Variants in SPNS3 observed in about 807,000 individuals in gnomAD.
The protein encoded by SPNS3 is protein spinster homolog 3.
Under a neutral mutation model 54.4 loss-of-function variants are expected in SPNS3, and 51 were observed. The ratio of observed to expected loss-of-function variants is 0.94; its 90% CI spans 0.75 to 1.18. The LOEUF is 1.18. SPNS3 is among the 50% of genes most tolerant of loss of function. The pLI is 0.00. For missense variants in SPNS3, 669 were observed against 677.4 expected (o/e 0.99, Z 0.14); for synonymous variants, 309 against 294.7 (o/e 1.05, Z -0.50).
intron 8 of SPNS3, among the ~76,000 whole-genome samples, chr17:4,457,489 C>T (rs963250327): frequency 6.6e-6 from 1 of 152,228 alleles, no homozygotes; most frequent in Non-Finnish European, 1.5e-5. Flanking sequence ...CGGGGCACAC[C>T]CCAGGCACTA....
At chr17:4,441,632 T>A (rs1970850162) in intron 2 of SPNS3, among the ~76,000 whole-genome samples, 2 of 152,166 alleles carry the variant, frequency 1.3e-5, no homozygotes, top group African/African-American at 4.8e-5. Flanking sequence ...GTTTTGCTCT[T>A]ATTGCTCAGG....
chr17:4,443,280 C>T (rs764568714), intron 2 of SPNS3, among the ~76,000 whole-genome samples: 3 of 152,004 alleles, frequency 2.0e-5, no homozygotes, highest in Non-Finnish European at 4.4e-5. Context: ...CATGTTGGCC[C>T]GGCTGGTCTC....
intron 3 of SPNS3, among the ~76,000 whole-genome samples, chr17:4,445,835 G>C (rs960028411): frequency 6.6e-6 from 1 of 152,014 alleles, no homozygotes; most frequent in African/African-American, 2.4e-5. Context: ...CAGGAAAAGG[G>C]CTCCCCTGGG....
rs139018867 is a variant in SPNS3 at position 4,472,396 on chromosome 17, G to A, written c.1114-6176G>A. On this transcript the variant is annotated intron_variant, in intron 8 of 11. Coordinates refer to ENST00000355530, the MANE Select transcript of SPNS3 (RefSeq NM_182538.5). ...GCAGTTTGAGTTGAGCTTGGGCTCC[G>A]CAGACTTTTCTGTTGCCGGAGGGAA... 3.3e-5 allele frequency among the ~76,000 whole-genome samples: 5 copies of A among 152,284 alleles called. No homozygotes were observed. The East Asian group carries it at 7.7e-4, about 24-fold the overall frequency.
intron 8 of SPNS3, among the ~76,000 whole-genome samples, chr17:4,456,722 G>GT (rs1206715763): frequency 2.2e-3 from 312 of 143,310 alleles, no homozygotes; most frequent in South Asian, 8.8e-3. Flanking sequence ...GTTTTTTTTG[G>GT]TTTTTTTTTT....
intron 7 of SPNS3, among the ~76,000 whole-genome samples, chr17:4,452,051 C>A (rs1275070978): frequency 6.6e-6 from 1 of 151,912 alleles, no homozygotes; most frequent in Non-Finnish European, 1.5e-5. Context: ...ATATTCAAAT[C>A]CTGGTCTGTA....
intron 2 of SPNS3, 32 bp downstream of exon 2, chr17:4,439,755 C>T (rs1970801858): frequency 6.3e-7 from 1 of 1,591,706 alleles, no homozygotes; most frequent in African/African-American, 1.3e-5. Context: ...GGAGCCGGGG[C>T]CCTGGGTTCA....
intron 8 of SPNS3, 75 bp downstream of exon 8, chr17:4,453,280 C>A (rs966676689): frequency 7.2e-7 from 1 of 1,396,216 alleles, no homozygotes; most frequent in Non-Finnish European, 9.8e-7. Context: ...GCTCATGCTG[C>A]GCCCGGCCTT....
At chr17:4,473,042 G>A (rs1454148155) in intron 8 of SPNS3, among the ~76,000 whole-genome samples, 1 of 151,970 alleles carries the variant, frequency 6.6e-6, no homozygotes, top group African/African-American at 2.4e-5. Flanking sequence ...TCCTGCCTCA[G>A]CCTCCCAAAG....
chr17:4,480,369 G>A (rs1439728657), intron 9 of SPNS3, among the ~76,000 whole-genome samples: 1 of 152,254 alleles, frequency 6.6e-6, no homozygotes, highest in East Asian at 1.9e-4. Context: ...GGAATGCTCA[G>A]GAAAGGGGAA....
intron 8 of SPNS3, among the ~76,000 whole-genome samples, chr17:4,455,128 G>C (rs1039478553): frequency 3.9e-5 from 6 of 152,046 alleles, no homozygotes; most frequent in Non-Finnish European, 7.4e-5. Flanking sequence ...TGGCCAGGCT[G>C]GTCTCAAACT....
chr17:4,473,142 A>C (rs553547051), intron 8 of SPNS3, among the ~76,000 whole-genome samples: 3 of 151,584 alleles, frequency 2.0e-5, no homozygotes, highest in African/African-American at 7.3e-5. Context: ...TGGTTAAAAA[A>C]TCACTTTTTT....
intron 9 of SPNS3, 50 bp downstream of exon 9, chr17:4,478,687 AT>A: frequency 1.3e-6 from 2 of 1,542,696 alleles, no homozygotes; most frequent in East Asian, 2.4e-5. Context: ...GCTGGAGAGG[AT>A]TGGGCCTCTG....
At chr17:4,479,204 G>A (rs998842624) in intron 9 of SPNS3, among the ~76,000 whole-genome samples, 32 of 152,374 alleles carry the variant, frequency 2.1e-4, no homozygotes, top group Admixed American at 1.7e-3. Context: ...GCCTCCCAAA[G>A]TGCTGGGATT....
chr17:4,441,984 G>A (rs996642501), intron 2 of SPNS3, among the ~76,000 whole-genome samples: 7 of 11,192 alleles, frequency 6.3e-4, no homozygotes, highest in African/African-American at 2.3e-3. Context: ...GGAGGGAGAA[G>A]TGTGTGTGTG....
At chr17:4,453,630 C>G (rs370971287) in intron 8 of SPNS3, among the ~76,000 whole-genome samples, 1 of 148,654 alleles carries the variant, frequency 6.7e-6, no homozygotes, top group Non-Finnish European at 1.5e-5. Context: ...GGGAAAAAAA[C>G]AGAGAGAGAA....
chr17:4,461,361 C>CTTTTTTTTTTTTTTTTT lies in SPNS3; in HGVS notation c.1113+8166_1113+8182dup, dbSNP rs55928003. On this transcript the variant is annotated intron_variant, in intron 8 of 11. Transcript: ENST00000355530. ...TATTTGCTTTCTTTTCTTTTCTTTT[C>CTTTTTTTTTTTTTTTTT]TTTTTTTTTTTTTTTTTTTTTTTTT... Among the ~76,000 whole-genome samples, 70 of 33,420 alleles carry CTTTTTTTTTTTTTTTTT rather than the reference C, an allele frequency of 2.1e-3. 9 individuals are homozygous for CTTTTTTTTTTTTTTTTT. The highest frequency in any genetic ancestry group is 3.3e-3 in the Non-Finnish European group (55 of 16,580). 21.9% of individuals were successfully genotyped at this position (33,420 alleles called of 152,430 possible).
intron 1 of SPNS3, among the ~76,000 whole-genome samples, 182 bp from the exon 2 acceptor site, chr17:4,439,476 G>A (rs1165464319): frequency 1.3e-5 from 2 of 152,184 alleles, no homozygotes; most frequent in Non-Finnish European, 2.9e-5. Context: ...TTCTCTGTGT[G>A]CCTGCTCTTG....
Position 4,486,614 on chromosome 17 carries a change from A to T in SPNS3, c.1450+31A>T. 6.3e-7 allele frequency: 1 copy of T among 1,589,802 alleles called. No individual in the cohort carries two copies. The highest frequency in any genetic ancestry group is 8.6e-7 in the Non-Finnish European group (1 of 1,166,456). ...CTACCCATTGCACCAGGCCCGGCTC[A>T]GGGCCGGCACCCTAGGGACAGACAG... On this transcript the variant is annotated intron_variant, in intron 11 of 11. Transcript: ENST00000355530. The surrounding 1 kb of genome is among the most constrained non-coding windows in gnomAD (Gnocchi z 5.5).
Sources: gnomAD v4.1 joint callset for allele counts (sites outside exome capture counted in the v4.1 genomes callset) on GRCh38, gnomAD v4.1.1 for gene constraint, Gnocchi (gnomAD v3.1) non-coding constraint, MANE v1.5 for transcripts, NCBI Gene and HGNC (gene_info 2026-07-23, HGNC 2026-07-21) for gene names.